Variants in VSTM2L observed in about 807,000 individuals in gnomAD.
VSTM2L encodes the protein V-set and transmembrane domain containing 2 like, also known as V-set and transmembrane domain-containing protein 2-like protein.
A neutral mutation model predicts 19.9 loss-of-function variants in VSTM2L; 9 were observed. The ratio of observed to expected loss-of-function variants is 0.45; its 90% CI spans 0.27 to 0.79. VSTM2L has a LOEUF of 0.79. Among genes scored for constraint, VSTM2L ranks in the 30% least tolerant of loss-of-function variants. The pLI, the probability that VSTM2L is intolerant of heterozygous loss-of-function variation, is 0.15. For synonymous variants in VSTM2L, 127 were observed against 133.8 expected, an observed-to-expected ratio of 0.95 and a Z score of 0.35; for missense variants, 286 against 295.5, an observed-to-expected ratio of 0.97 and a Z score of 0.24.
At chr20:37,905,798 G>A (rs1310200325) in intron 1 of VSTM2L, among the ~76,000 whole-genome samples, 1 of 152,216 alleles carries the variant, frequency 6.6e-6, no homozygotes, top group Non-Finnish European at 1.5e-5. Context: ...AGGGTTTGGA[G>A]CCACTCACTT....
At chr20:37,910,302 C>T (rs2072772701) in intron 1 of VSTM2L, among the ~76,000 whole-genome samples, 1 of 152,152 alleles carries the variant, frequency 6.6e-6, no homozygotes, top group African/African-American at 2.4e-5. Flanking sequence ...GCAGGCGGTG[C>T]GTGGGCATGT....
chr20:37,934,411 G>T (rs959735579), intron 3 of VSTM2L, among the ~76,000 whole-genome samples: 1 of 152,326 alleles, frequency 6.6e-6, no homozygotes, highest in Non-Finnish European at 1.5e-5. Flanking sequence ...TGCATGGGGC[G>T]TGAGGTCAGC....
At position 37,918,300 on chromosome 20, in the gene VSTM2L, TG is replaced by T. The variant is rs200664019; in HGVS notation, c.122-13332del. Reference sequence around the variant, plus strand: ...GGCCATCGGAAGCCAGGGCTGGTGCTGGGTGCCCGCTGGTGTCCACACTTGA... The same window carrying T: ...GGCCATCGGAAGCCAGGGCTGGTGCTGGTGCCCGCTGGTGTCCACACTTGA... On this transcript the variant is annotated intron_variant, in intron 1 of 3. Transcript: ENST00000373461. Among the ~76,000 whole-genome samples the T allele has an allele frequency of 6.6e-4, 101 of 152,328 alleles. 3 individuals carry two copies. The East Asian group carries it at 0.018, about 28-fold the overall frequency.
intron 1 of VSTM2L, among the ~76,000 whole-genome samples, chr20:37,905,032 G>A (rs2072743816): frequency 6.6e-6 from 1 of 152,164 alleles, no homozygotes; most frequent in South Asian, 2.1e-4. Context: ...GGTGAAGGAA[G>A]TTGCCCAAGG....
intron 2 of VSTM2L, 61 bp downstream of exon 2, chr20:37,931,865 G>T (rs923518859): frequency 6.5e-7 from 1 of 1,526,810 alleles, no homozygotes. Flanking sequence ...TGGGGTAGGG[G>T]TATTTCTCTG....
At chr20:37,930,044 A>C (rs1398609053) in intron 1 of VSTM2L, among the ~76,000 whole-genome samples, 1 of 152,192 alleles carries the variant, frequency 6.6e-6, no homozygotes, top group Non-Finnish European at 1.5e-5. Context: ...GGCCTTGTTT[A>C]CAGAACAGCG....
intron 3 of VSTM2L, among the ~76,000 whole-genome samples, chr20:37,937,247 A>T (rs1400819542): frequency 2.0e-5 from 3 of 152,198 alleles, no homozygotes; most frequent in Non-Finnish European, 2.9e-5. Context: ...TAATGATAAT[A>T]ATAATATAGC....
At chr20:37,925,685 G>A (rs1481073662) in intron 1 of VSTM2L, among the ~76,000 whole-genome samples, 1 of 152,154 alleles carries the variant, frequency 6.6e-6, no homozygotes, top group Admixed American at 6.5e-5. Context: ...CCCTGAGGGT[G>A]CCTCCCCTAA....
intron 1 of VSTM2L, among the ~76,000 whole-genome samples, chr20:37,906,509 C>T (rs2122930486): frequency 6.6e-6 from 1 of 152,322 alleles, no homozygotes; most frequent in African/African-American, 2.4e-5. Context: ...TACTGTGTGC[C>T]CCGTGCTGCC....
intron 3 of VSTM2L, among the ~76,000 whole-genome samples, chr20:37,934,062 G>A (rs2072926042): frequency 6.6e-6 from 1 of 152,242 alleles, no homozygotes; most frequent in Non-Finnish European, 1.5e-5. Flanking sequence ...TTTGTCAATA[G>A]CCACACTCTG....
intron 1 of VSTM2L, among the ~76,000 whole-genome samples, chr20:37,921,829 T>C (rs1419996450): frequency 6.8e-6 from 1 of 146,472 alleles, no homozygotes; most frequent in African/African-American, 2.6e-5. Flanking sequence ...TCTTTCTTTC[T>C]TTCTTTTCCT....
intron 1 of VSTM2L, among the ~76,000 whole-genome samples, chr20:37,917,626 C>T (rs6013435): frequency 0.27 from 41,117 of 152,188 alleles, 7,226 homozygotes; most frequent in African/African-American, 0.5. Flanking sequence ...ACCCAGCACG[C>T]CAGGGAGAGC....
chr20:37,907,250 G>C (rs764339745), intron 1 of VSTM2L, among the ~76,000 whole-genome samples: 2 of 152,138 alleles, frequency 1.3e-5, no homozygotes, highest in Non-Finnish European at 2.9e-5. Context: ...GGAGTGACAG[G>C]CATGTGCTAC....
At chr20:37,928,258 C>G (rs934055345) in intron 1 of VSTM2L, among the ~76,000 whole-genome samples, 15 of 152,168 alleles carry the variant, frequency 9.9e-5, no homozygotes, top group Admixed American at 2.6e-4. Flanking sequence ...GGGGGAGGGA[C>G]AAGCAACCCA....
chr20:37,937,256 G>A (rs1031939080), intron 3 of VSTM2L, among the ~76,000 whole-genome samples: 3 of 152,108 alleles, frequency 2.0e-5, no homozygotes, highest in Admixed American at 2.0e-4. Flanking sequence ...TAATAATATA[G>A]CAGCTAACAT....
At chr20:37,914,319 TG>T (rs1306413452) in intron 1 of VSTM2L, among the ~76,000 whole-genome samples, 1 of 145,388 alleles carries the variant, frequency 6.9e-6, no homozygotes, top group African/African-American at 2.5e-5. Flanking sequence ...TCTGTGTGTA[TG>T]TGTGTGGGGT....
At chr20:37,937,680 A>G (rs1004852346) in intron 3 of VSTM2L, among the ~76,000 whole-genome samples, 2 of 152,240 alleles carry the variant, frequency 1.3e-5, no homozygotes, top group East Asian at 1.9e-4. Context: ...TGGAAAGACC[A>G]TGGTCTCACA....
At chr20:37,936,740 G>A (rs892997098) in intron 3 of VSTM2L, among the ~76,000 whole-genome samples, 8 of 152,136 alleles carry the variant, frequency 5.3e-5, no homozygotes, top group African/African-American at 1.2e-4. Flanking sequence ...CCACCTCCTC[G>A]ACTCTCCCTT....
chr20:37,912,128 G>A (rs2072783463), intron 1 of VSTM2L, among the ~76,000 whole-genome samples: 2 of 152,230 alleles, frequency 1.3e-5, no homozygotes, highest in Admixed American at 6.5e-5. Context: ...ACTAAGGGGC[G>A]TGGTGCGACT....
Sources: gnomAD v4.1 joint callset for allele counts (sites outside exome capture counted in the v4.1 genomes callset) on GRCh38, gnomAD v4.1.1 for gene constraint, MANE v1.5 for transcripts, NCBI Gene and HGNC (gene_info 2026-07-23, HGNC 2026-07-21) for gene names.